The following ADARB2 variants were observed in gnomAD, a reference collection of about 807,000 sequenced individuals.
The protein encoded by ADARB2 is inactive double-stranded RNA-specific editase B2.
A neutral mutation model predicts 62.2 loss-of-function variants in ADARB2; 25 were observed. That is an observed-to-expected ratio of 0.40 (90% CI 0.29 to 0.56). The LOEUF (loss-of-function observed/expected upper bound fraction) is 0.56. ADARB2 is among the 20% of genes least tolerant of loss of function. The probability of loss-of-function intolerance (pLI) is 0.43; values close to 1 mark genes in which losing one functional copy is unlikely to be tolerated. For missense variants in ADARB2, 1,071 were observed against 1,077.4 expected (o/e 0.99, Z 0.08); for synonymous variants, 572 against 500.8 (o/e 1.14, Z -1.90).
chr10:1,258,830 A>T (rs1831105109), intron 4 of ADARB2, among the ~76,000 whole-genome samples: 1 of 152,208 alleles, frequency 6.6e-6, no homozygotes, highest in Non-Finnish European at 1.5e-5. Flanking sequence ...CTCCACCCCA[A>T]ATCAACAGAA....
intron 2 of ADARB2, among the ~76,000 whole-genome samples, chr10:1,372,460 A>T (rs1832381388): frequency 2.0e-5 from 1 of 48,818 alleles, no homozygotes; most frequent in South Asian, 2.7e-3. Context: ...AGCCTAAAAT[A>T]AAATTAAATT....
At chr10:1,356,310 A>C (rs1832194453) in intron 3 of ADARB2, among the ~76,000 whole-genome samples, 1 of 152,230 alleles carries the variant, frequency 6.6e-6, no homozygotes, top group Non-Finnish European at 1.5e-5. Flanking sequence ...TTCCTGCTTC[A>C]AAGCAGGTGA....
chr10:1,553,666 A>G (rs1200478906), intron 1 of ADARB2, among the ~76,000 whole-genome samples: 1 of 152,176 alleles, frequency 6.6e-6, no homozygotes, highest in Non-Finnish European at 1.5e-5. Context: ...TCCCAGAGGA[A>G]CCACAGTCCT....
intron 1 of ADARB2, among the ~76,000 whole-genome samples, chr10:1,633,524 T>G (rs926967720): frequency 7.5e-6 from 1 of 133,934 alleles, no homozygotes; most frequent in Non-Finnish European, 1.7e-5. Context: ...AATGAGTGAG[T>G]CTGTCTGTCT....
chr10:1,402,583 C>T (rs570337689), intron 1 of ADARB2, among the ~76,000 whole-genome samples: 54 of 152,264 alleles, frequency 3.5e-4, no homozygotes, highest in African/African-American at 1.3e-3. Context: ...GGGGCTCAGC[C>T]AATGGCGCAC....
At chr10:1,254,240 G>A (rs1182578961) in intron 4 of ADARB2, among the ~76,000 whole-genome samples, 1 of 152,152 alleles carries the variant, frequency 6.6e-6, no homozygotes, top group Non-Finnish European at 1.5e-5. Context: ...TGTGGTTACT[G>A]GTGTAGAACT....
chr10:1,655,754 G>A (rs1226061723), intron 1 of ADARB2, among the ~76,000 whole-genome samples: 7 of 152,168 alleles, frequency 4.6e-5, no homozygotes. Context: ...GTAAGTTCAT[G>A]GAGGATCCCT....
At position 1,181,613 on chromosome 10, in the gene ADARB2, CATT is replaced by C. The variant is rs1352127071; in HGVS notation, c.*1577_*1579del. The C allele has an allele frequency of 6.6e-6, 1 of 152,216 alleles. No individual in the cohort carries two copies. Among genetic ancestry groups the C allele is most frequent in the Non-Finnish European group, 1.5e-5 (1 of 68,046 alleles). The allele number at this position is 152,216 out of a possible 1,614,324, so 9.4% of individuals were successfully genotyped here. On this transcript the variant is annotated 3_prime_UTR_variant, in exon 10 of 10. Transcript: ENST00000381312. ...CAACTCAGTTTCATTTCTGCCTTCT[CATT>C]ATGATAACTGTAATTTATAGCACTT...
chr10:1,325,372 C>T (rs1589192464), intron 3 of ADARB2, among the ~76,000 whole-genome samples: 1 of 152,184 alleles, frequency 6.6e-6, no homozygotes, highest in South Asian at 2.1e-4. Context: ...TCTATGCTCT[C>T]ACCTCCTATG....
intron 1 of ADARB2, among the ~76,000 whole-genome samples, chr10:1,687,299 T>TAC (rs1231974976): frequency 9.2e-5 from 14 of 152,216 alleles, no homozygotes; most frequent in African/African-American, 3.4e-4. Context: ...GTGCTGGGAT[T>TAC]ACAGCTGTGA....
At chr10:1,552,300 C>T (rs767134447) in intron 1 of ADARB2, among the ~76,000 whole-genome samples, 83 of 152,344 alleles carry the variant, frequency 5.4e-4, no homozygotes, top group African/African-American at 1.8e-3. Context: ...TTTCACTGCA[C>T]GCTCCCTCCT....
intron 1 of ADARB2, among the ~76,000 whole-genome samples, chr10:1,714,053 C>G (rs568220322): frequency 6.6e-6 from 1 of 152,164 alleles, no homozygotes; most frequent in Non-Finnish European, 1.5e-5. Context: ...GATGGGAAAA[C>G]GTGTCTAGAA....
At chr10:1,573,588 GCCTCC>G (rs1832968991) in intron 1 of ADARB2, among the ~76,000 whole-genome samples, 1 of 152,176 alleles carries the variant, frequency 6.6e-6, no homozygotes, top group Non-Finnish European at 1.5e-5. Context: ...GGCCACGGCG[GCCTCC>G]CCCTTCCCCT....
chr10:1,641,882 G>A (rs924677138), intron 1 of ADARB2, among the ~76,000 whole-genome samples: 13 of 151,974 alleles, frequency 8.6e-5, no homozygotes, highest in East Asian at 1.9e-4. Flanking sequence ...GTGTGGTGGC[G>A]GGCGCCTGTA....
intron 7 of ADARB2, among the ~76,000 whole-genome samples, chr10:1,206,690 C>T (rs1564220195): frequency 6.6e-6 from 1 of 152,206 alleles, no homozygotes; most frequent in Non-Finnish European, 1.5e-5. Context: ...GGTACCTCAG[C>T]CCTGCGCCTC....
chr10:1,229,810 A>G (rs1337906600), intron 6 of ADARB2, among the ~76,000 whole-genome samples: 1 of 94,602 alleles, frequency 1.1e-5, no homozygotes, highest in Non-Finnish European at 2.3e-5. Flanking sequence ...GTGCGTGTAC[A>G]TGTACTTATG....
intron 1 of ADARB2, among the ~76,000 whole-genome samples, chr10:1,633,554 A>G (rs929493285): frequency 1.4e-5 from 1 of 71,074 alleles, no homozygotes; most frequent in African/African-American, 7.1e-5. Context: ...TCTATCATCT[A>G]TCTATCTATC....
intron 1 of ADARB2, among the ~76,000 whole-genome samples, chr10:1,406,468 C>T (rs1033409884): frequency 6.6e-6 from 1 of 152,178 alleles, no homozygotes; most frequent in African/African-American, 2.4e-5. Context: ...AGGATCACCT[C>T]CTAAAGTGTC....
At chr10:1,388,768 CAT>C (rs1406106008) in intron 1 of ADARB2, among the ~76,000 whole-genome samples, 1 of 152,148 alleles carries the variant, frequency 6.6e-6, no homozygotes, top group African/African-American at 2.4e-5. Context: ...TCTAAGGTTC[CAT>C]ATTGTTACAA....
Sources: allele counts gnomAD v4.1 joint callset (sites outside exome capture counted in the v4.1 genomes callset), GRCh38; gene constraint gnomAD v4.1.1; transcripts MANE v1.5; gene names NCBI Gene and HGNC (gene_info 2026-07-23, HGNC 2026-07-21).